MPP7: variants seen among roughly 807,000 people sequenced by gnomAD.
MPP7 encodes MAGUK p55 subfamily member 7.
A neutral mutation model predicts 76.5 loss-of-function variants in MPP7; 60 were observed. The observed-to-expected ratio is 0.78, with a 90% CI of 0.64 to 0.97. The LOEUF is 0.97. Ranked by LOEUF, MPP7 falls within the 50% of genes least tolerant of loss-of-function variation. The pLI is 0.00. For synonymous variants in MPP7, 237 were observed against 244.5 expected (o/e 0.97, Z 0.29); for missense variants, 641 against 694.0 (o/e 0.92, Z 0.86).
At chr10:28,197,611 C>T (rs1837630877) in intron 3 of MPP7, among the ~76,000 whole-genome samples, 1 of 152,106 alleles carries the variant, frequency 6.6e-6, no homozygotes, top group African/African-American at 2.4e-5. Context: ...CCAAATGAGG[C>T]CTATCTTAGA....
chr10:28,207,029 T>C (rs181099718), intron 2 of MPP7, among the ~76,000 whole-genome samples: 23 of 152,298 alleles, frequency 1.5e-4, no homozygotes, highest in African/African-American at 5.3e-4. Flanking sequence ...ATGAGAACAA[T>C]GTGCCTTCTC....
At position 28,218,591 on chromosome 10, in the gene MPP7, A is replaced by C. The variant is rs114574028; in HGVS notation, c.38-16320T>G. 5.8e-3 allele frequency among the ~76,000 whole-genome samples: 880 copies of C among 152,274 alleles called. 2 individuals are homozygous for C. The highest frequency in any genetic ancestry group is 0.02 in the African/African-American group (842 of 41,536). On this transcript the variant is annotated intron_variant, in intron 2 of 16. Transcript: ENST00000683449. ...CGAAGACACTATAAGACCTAATAGG[A>C]GGCTTTCTAATCAAACCATCCAGGC... is the stretch of plus-strand genomic sequence containing the variant.
In MPP7 at chr10:28,281,992, G is replaced by A. The variant is rs571086839; in HGVS notation, c.-132+20869C>T. The A allele has an allele frequency of 4.6e-5, 7 of 152,248 alleles. No homozygotes were observed. In the East Asian group the frequency reaches 5.8e-4, roughly 13 times the overall value. 9.4% of individuals were successfully genotyped at this position (152,248 alleles called of 1,614,324 possible). On this transcript the variant is annotated intron_variant, in intron 1 of 16. Transcript: ENST00000683449. ...CTGGAAGGCTACAAGCAGAGTCATC[G>A]TTAAGAAGAACACCCACCTTTCTTT...
rs771812944 is a variant in MPP7 at position 28,056,639 on chromosome 10, G to A, written c.1408-16C>T. 6 of 1,531,382 alleles carry A rather than the reference G, an allele frequency of 3.9e-6. No homozygotes were observed. In the African/African-American group the frequency reaches 4.3e-5, roughly 11 times the overall value. 94.9% of individuals were successfully genotyped at this position (1,531,382 alleles called of 1,614,324 possible). A position where few individuals can be genotyped will look rare whatever the true frequency, so the allele number is the denominator to read the frequency against. On this transcript the variant is annotated splice_polypyrimidine_tract_variant and intron_variant, in intron 15 of 16. Coordinates refer to ENST00000683449, the MANE Select transcript of MPP7 (RefSeq NM_001318170.2). ...GCTTCACTGTCTACAAGGAAGAAAAGAAAGTTTTCTCACATTTCTCCATAG... is the reference window on the plus strand; with the variant it reads ...GCTTCACTGTCTACAAGGAAGAAAAAAAAGTTTTCTCACATTTCTCCATAG...
At chr10:28,233,512 TC>T (rs959677450) in intron 2 of MPP7, among the ~76,000 whole-genome samples, 1 of 145,502 alleles carries the variant, frequency 6.9e-6, no homozygotes, top group Admixed American at 6.9e-5. Flanking sequence ...ACCGAGACCA[TC>T]CTGGCTAACA....
intron 3 of MPP7, among the ~76,000 whole-genome samples, chr10:28,190,828 CAG>C (rs1016649189): frequency 6.6e-6 from 1 of 150,596 alleles, no homozygotes; most frequent in Admixed American, 6.6e-5. Context: ...CAAAAAAAAA[CAG>C]AGAAAAATCA....
upstream of MPP7, among the ~76,000 whole-genome samples, chr10:28,304,429 G>T (rs1440063312): frequency 6.6e-6 from 1 of 152,112 alleles, no homozygotes; most frequent in Non-Finnish European, 1.5e-5. Context: ...GGAATGTTAA[G>T]GTAAACATAA....
At chr10:28,110,014 C>T (rs1302635185) in intron 11 of MPP7, among the ~76,000 whole-genome samples, 1 of 151,476 alleles carries the variant, frequency 6.6e-6, no homozygotes, top group Non-Finnish European at 1.5e-5. Context: ...CTCCAACTTT[C>T]TTCAGTGGTT....
chr10:28,118,639 C>T, intron 11 of MPP7: 3 of 985,356 alleles, frequency 3.0e-6, no homozygotes, highest in East Asian at 1.1e-4. Flanking sequence ...AGACTTGTAG[C>T]ATTCTGTGAC....
intron 2 of MPP7, among the ~76,000 whole-genome samples, chr10:28,314,670 C>T (rs1267246063): frequency 6.6e-6 from 1 of 152,188 alleles, no homozygotes; most frequent in Admixed American, 6.5e-5. Context: ...TGAGCTTGGA[C>T]ATCTCATTTA....
At chr10:28,179,448 A>G (rs1471372747) in intron 3 of MPP7, among the ~76,000 whole-genome samples, 1 of 152,174 alleles carries the variant, frequency 6.6e-6, no homozygotes, top group Admixed American at 6.6e-5. Flanking sequence ...AATCTATAAT[A>G]ACTATTTAAA....
At chr10:28,210,778 T>C (rs1003976040) in intron 2 of MPP7, among the ~76,000 whole-genome samples, 1 of 152,212 alleles carries the variant, frequency 6.6e-6, no homozygotes, top group Admixed American at 6.5e-5. Context: ...TAAAAAGTAA[T>C]ATACTAATGA....
chr10:28,070,454 T>C (rs1429323337), intron 12 of MPP7, among the ~76,000 whole-genome samples: 1 of 152,192 alleles, frequency 6.6e-6, no homozygotes, highest in Non-Finnish European at 1.5e-5. Flanking sequence ...CCTAAAAACA[T>C]GTCTACCTAA....
rs555087581 is a variant in MPP7 at position 28,184,244 on chromosome 10, TA to T, written c.156+17908del. ...ATACCTTTATCTTAACATATTATTA[TA>T]AAATACATATTAGATATATTCCATC... On this transcript the variant is annotated intron_variant, in intron 3 of 16. Coordinates refer to ENST00000683449, the MANE Select transcript of MPP7 (RefSeq NM_001318170.2). Among the ~76,000 whole-genome samples the T allele has an allele frequency of 3.4e-3, 506 of 148,426 alleles. 2 individuals are homozygous for T. Among genetic ancestry groups the T allele is most frequent in the Non-Finnish European group, 4.1e-3 (277 of 67,294 alleles).
At chr10:28,189,821 C>G (rs111971105) in intron 3 of MPP7, among the ~76,000 whole-genome samples, 145 of 152,068 alleles carry the variant, frequency 9.5e-4, no homozygotes, top group African/African-American at 3.4e-3. Context: ...TATTAACCAA[C>G]TATATCAACA....
rs1050340446 is a variant in MPP7 at position 28,052,658 on chromosome 10, T to C, written c.*1407A>G. ...ACATACAATCAGTTTATTTTATGAA[T>C]AGCCCCGTTTGATATTTAAAAAAAT... On this transcript the variant is annotated 3_prime_UTR_variant, in exon 17 of 17. Transcript: ENST00000683449. 1 of 152,596 alleles carries C rather than the reference T, an allele frequency of 6.6e-6. No individual in the cohort carries two copies. The highest frequency in any genetic ancestry group is 1.5e-5 in the Non-Finnish European group (1 of 68,026). The allele number at this position is 152,596 out of a possible 1,614,324, so 9.5% of individuals were successfully genotyped here. A position where few individuals can be genotyped will look rare whatever the true frequency, so the allele number is the denominator to read the frequency against.
chr10:28,058,578 T>TCAATAAACC lies in MPP7; in HGVS notation c.1323_1324insGGTTTATTG (p.Lys441_Asn442insGlyLeuLeu). 1 of 1,597,890 alleles carries TCAATAAACC rather than the reference T, an allele frequency of 6.3e-7. No homozygotes were observed. ...TCTATACTTGTGCCGTAGTAGTTGT[T>TCAATAAACC]TTTATATTCTCCATATTCAATAAAC... On this transcript the variant is annotated inframe_insertion, in exon 15 of 17. Coordinates refer to ENST00000683449, the MANE Select transcript of MPP7 (RefSeq NM_001318170.2).
At chr10:28,243,281 C>T (rs949287419) in intron 1 of MPP7, among the ~76,000 whole-genome samples, 1 of 152,120 alleles carries the variant, frequency 6.6e-6, no homozygotes, top group Admixed American at 6.5e-5. Context: ...GCTCATTTTG[C>T]TATGTTAACT....
chr10:28,070,056 C>T (rs1295098443), intron 12 of MPP7, among the ~76,000 whole-genome samples: 1 of 152,088 alleles, frequency 6.6e-6, no homozygotes, highest in South Asian at 2.1e-4. Flanking sequence ...AAATCCTCAC[C>T]TTTTCCTCAA....
Sources: allele counts gnomAD v4.1 joint callset (sites outside exome capture counted in the v4.1 genomes callset), GRCh38; gene constraint gnomAD v4.1.1; transcripts MANE v1.5; gene names NCBI Gene and HGNC (gene_info 2026-07-23, HGNC 2026-07-21).